Variants in FHIT observed in about 807,000 individuals in gnomAD.
FHIT encodes the protein bis(5'-adenosyl)-triphosphatase.
A neutral mutation model predicts 17.9 loss-of-function variants in FHIT; 19 were observed. The observed-to-expected ratio is 1.06, with a 90% CI of 0.74 to 1.56. The LOEUF (loss-of-function observed/expected upper bound fraction) is 1.56, where lower values mean the gene tolerates loss of function less well. Among genes scored for constraint, FHIT ranks in the 40% most tolerant of loss-of-function variants. FHIT has a pLI of 0.00. For synonymous variants in FHIT, 81 were observed against 69.7 expected (o/e 1.16, Z -0.81); for missense variants, 248 against 189.2 (o/e 1.31, Z -1.82).
chr3:61,095,859 G>GA (rs2035622349), intron 2 of FHIT, among the ~76,000 whole-genome samples: 2 of 152,290 alleles, frequency 1.3e-5, no homozygotes, highest in African/African-American at 4.8e-5. Context: ...CTGGGTAACA[G>GA]ATTTGCTATC....
intron 8 of FHIT, among the ~76,000 whole-genome samples, chr3:59,789,876 G>A (rs182861934): frequency 2.6e-5 from 4 of 152,250 alleles, no homozygotes; most frequent in Admixed American, 2.0e-4. Flanking sequence ...AATGTTAACT[G>A]TAAGCATCTG....
intron 3 of FHIT, among the ~76,000 whole-genome samples, chr3:60,931,235 G>A (rs1410104557): frequency 1.3e-5 from 2 of 151,586 alleles, no homozygotes; most frequent in Admixed American, 1.3e-4. Context: ...GAGTGGGGAG[G>A]GATAGCGTTA....
At chr3:60,339,549 G>A (rs1382533985) in intron 5 of FHIT, among the ~76,000 whole-genome samples, 4 of 152,098 alleles carry the variant, frequency 2.6e-5, no homozygotes, top group South Asian at 2.1e-4. Context: ...GACGCGAGCC[G>A]ATCAGTTTAC....
chr3:59,792,270 C>T (rs941690675), intron 8 of FHIT, among the ~76,000 whole-genome samples: 6 of 152,156 alleles, frequency 3.9e-5, no homozygotes, highest in Non-Finnish European at 5.9e-5. Context: ...TCAAAGTCTA[C>T]CTAGAAGAGA....
rs116458315 is a variant in FHIT, at chr3:59,961,597, G to A, written c.280-39183C>T. On this transcript the variant is annotated intron_variant, in intron 7 of 9. Transcript: ENST00000492590. ...GGGTTGTGAAGACCATGGGAAAAGCGTGGTATCTGGGCTGGAGCGCACCAT... is the reference window on the plus strand; with the variant it reads ...GGGTTGTGAAGACCATGGGAAAAGCATGGTATCTGGGCTGGAGCGCACCAT... 2.6e-3 allele frequency among the ~76,000 whole-genome samples: 395 copies of A among 152,220 alleles called. 3 individuals carry two copies. The highest frequency in any genetic ancestry group is 0.01 in the Middle Eastern group (3 of 294).
At chr3:60,212,038 T>G (rs1703474727) in intron 5 of FHIT, among the ~76,000 whole-genome samples, 1 of 152,234 alleles carries the variant, frequency 6.6e-6, no homozygotes. Context: ...TCTTCCTAAT[T>G]GACTGTGGCC....
intron 5 of FHIT, among the ~76,000 whole-genome samples, chr3:60,124,666 A>T (rs1027796667): frequency 1.3e-5 from 2 of 152,228 alleles, no homozygotes; most frequent in Admixed American, 1.3e-4. Context: ...ACCAAAGAGC[A>T]ATGCAGCCAA....
chr3:60,532,914 G>C (rs1403627765), intron 5 of FHIT, among the ~76,000 whole-genome samples: 1 of 152,096 alleles, frequency 6.6e-6, no homozygotes, highest in East Asian at 1.9e-4. Context: ...ACATTTACAA[G>C]CCTCTCATGA....
chr3:60,980,600 T>C (rs1710453053), intron 3 of FHIT, among the ~76,000 whole-genome samples: 1 of 152,120 alleles, frequency 6.6e-6, no homozygotes, highest in Admixed American at 6.5e-5. Flanking sequence ...GCCCAGCAGG[T>C]CTCAGACCAC....
chr3:59,776,108 A>C (rs1364820154), intron 8 of FHIT, among the ~76,000 whole-genome samples: 1 of 152,220 alleles, frequency 6.6e-6, no homozygotes, highest in African/African-American at 2.4e-5. Flanking sequence ...TGAGCCTGAA[A>C]ACTGTATTCC....
intron 8 of FHIT, among the ~76,000 whole-genome samples, chr3:59,866,663 A>G (rs1249486308): frequency 6.6e-6 from 1 of 152,150 alleles, no homozygotes; most frequent in Non-Finnish European, 1.5e-5. Context: ...GGACTAAAGG[A>G]TTACTTGAAA....
chr3:61,060,550 T>C (rs910540695), intron 2 of FHIT, among the ~76,000 whole-genome samples: 3 of 152,244 alleles, frequency 2.0e-5, no homozygotes, highest in Non-Finnish European at 2.9e-5. Context: ...TGCTGCAGTT[T>C]AGCCCTGTCA....
chr3:59,947,146 C>CTT (rs1260567948), intron 7 of FHIT, among the ~76,000 whole-genome samples: 1 of 152,140 alleles, frequency 6.6e-6, no homozygotes, highest in African/African-American at 2.4e-5. Flanking sequence ...TGGTCCGTGG[C>CTT]TTTTTCTAGT....
At chr3:60,759,002 T>C (rs1321558813) in intron 4 of FHIT, among the ~76,000 whole-genome samples, 1 of 152,038 alleles carries the variant, frequency 6.6e-6, no homozygotes, top group Non-Finnish European at 1.5e-5. Context: ...GGCAAGTGTG[T>C]TCTGGGGGCG....
At chr3:61,176,158 T>G (rs1416962200) in intron 2 of FHIT, among the ~76,000 whole-genome samples, 2 of 152,262 alleles carry the variant, frequency 1.3e-5, no homozygotes, top group Admixed American at 1.3e-4. Flanking sequence ...GGCCAAGTAC[T>G]GAAACTCTTC....
chr3:60,648,817 G>T (rs184287686), intron 4 of FHIT, among the ~76,000 whole-genome samples: 1 of 152,106 alleles, frequency 6.6e-6, no homozygotes, highest in African/African-American at 2.4e-5. Flanking sequence ...TTAAGCCAGA[G>T]ACTCCCTTCT....
intron 2 of FHIT, among the ~76,000 whole-genome samples, chr3:61,141,363 C>A (rs1695005060): frequency 6.6e-6 from 1 of 152,184 alleles, no homozygotes; most frequent in Non-Finnish European, 1.5e-5. Context: ...TAATGGACTT[C>A]TTTTCAAAGA....
intron 3 of FHIT, among the ~76,000 whole-genome samples, chr3:60,962,488 A>T (rs1553781367): frequency 6.6e-6 from 1 of 152,220 alleles, no homozygotes; most frequent in Non-Finnish European, 1.5e-5. Context: ...GTGGTGAAAG[A>T]GGGCATCTCT....
intron 3 of FHIT, among the ~76,000 whole-genome samples, chr3:60,932,318 T>C (rs917420535): frequency 2.0e-5 from 3 of 152,228 alleles, no homozygotes; most frequent in South Asian, 4.2e-4. Context: ...TTTCCTCCAC[T>C]CACCTCTTCC....
Sources: gnomAD v4.1 joint callset for allele counts (sites outside exome capture counted in the v4.1 genomes callset) on GRCh38, gnomAD v4.1.1 for gene constraint, MANE v1.5 for transcripts, NCBI Gene and HGNC (gene_info 2026-07-23, HGNC 2026-07-21) for gene names.